PRLR: variants seen among roughly 807,000 people sequenced by gnomAD.
The protein encoded by PRLR is hPRL receptor.
In PRLR, 13 loss-of-function variants were observed where a neutral mutation model predicts 40.2. The ratio of observed to expected loss-of-function variants is 0.32; its 90% CI spans 0.21 to 0.51. PRLR has a LOEUF of 0.51. Among genes scored for constraint, PRLR ranks in the 20% least tolerant of loss-of-function variants. The probability of loss-of-function intolerance (pLI) is 0.97; values close to 1 mark genes in which losing one functional copy is unlikely to be tolerated. For synonymous variants in PRLR, 269 were observed against 278.7 expected (o/e 0.97, Z 0.35); for missense variants, 656 against 747.3 (o/e 0.88, Z 1.42).
rs1769026305 is a variant in PRLR, at chr5:35,061,308, A to C, written c.*3781T>G. ...AAAGGCAGGGCCAAGTCTTTCTGCAAATGATGGGCAGTGGTGGACACTTGA... is the reference window on the plus strand; with the variant it reads ...AAAGGCAGGGCCAAGTCTTTCTGCACATGATGGGCAGTGGTGGACACTTGA... On this transcript the variant is annotated 3_prime_UTR_variant, in exon 10 of 10. Coordinates refer to ENST00000618457, the MANE Select transcript of PRLR (RefSeq NM_000949.7). 6.6e-6 allele frequency: 1 copy of C among 152,180 alleles called. No homozygotes were observed. Among genetic ancestry groups the C allele is most frequent in the South Asian group, 2.1e-4 (1 of 4,832 alleles). 9.4% of individuals were successfully genotyped at this position (152,180 alleles called of 1,614,324 possible). A position where few individuals can be genotyped will look rare whatever the true frequency, so the allele number is the denominator to read the frequency against.
chr5:35,156,501 C>A (rs890608910), intron 1 of PRLR, among the ~76,000 whole-genome samples: 12 of 152,218 alleles, frequency 7.9e-5, no homozygotes, highest in Non-Finnish European at 1.3e-4. Flanking sequence ...ACCTACAAGA[C>A]TCTCCAGGAT....
At chr5:35,122,383 G>A (rs1364068998) in intron 1 of PRLR, among the ~76,000 whole-genome samples, 1 of 152,062 alleles carries the variant, frequency 6.6e-6, no homozygotes, top group African/African-American at 2.4e-5. Context: ...TATTCTTCCC[G>A]ATGCTCTCCC....
Position 35,133,135 on chromosome 5 carries a change from C to T in PRLR, c.-105-15013G>A, listed in dbSNP as rs180871095. 3.4e-3 allele frequency among the ~76,000 whole-genome samples: 520 copies of T among 152,246 alleles called. 6 individuals carry two copies. The highest frequency in any genetic ancestry group is 0.013 in the East Asian group (69 of 5,180). The stretch of plus-strand genomic sequence containing the variant: ...TCTCAGACTTATACCAGGCCTCTCT[C>T]TTGTTCTCAGGCTTTGGCCGTGGAG... On this transcript the variant is annotated intron_variant, in intron 1 of 9. Coordinates refer to ENST00000618457, the MANE Select transcript of PRLR (RefSeq NM_000949.7).
chr5:35,143,170 G>A (rs1223871832), intron 1 of PRLR, among the ~76,000 whole-genome samples: 1 of 152,184 alleles, frequency 6.6e-6, no homozygotes, highest in Non-Finnish European at 1.5e-5. Context: ...AGGGCAAGAT[G>A]GTAAATATTT....
chr5:35,096,318 T>C (rs1170450399), intron 2 of PRLR, among the ~76,000 whole-genome samples: 1 of 152,222 alleles, frequency 6.6e-6, no homozygotes, highest in Non-Finnish European at 1.5e-5. Context: ...CAACATCTTT[T>C]ATCCCAAGGA....
At chr5:35,088,945 A>G (rs1026762796) in intron 3 of PRLR, among the ~76,000 whole-genome samples, 4 of 152,178 alleles carry the variant, frequency 2.6e-5, no homozygotes, top group African/African-American at 9.7e-5. Flanking sequence ...TCCATATAGA[A>G]AAGTTAATAT....
At chr5:35,052,914 T>C (rs1370999819), downstream of PRLR, among the ~76,000 whole-genome samples, 1 of 152,244 alleles carries the variant, frequency 6.6e-6, no homozygotes, top group Non-Finnish European at 1.5e-5. Flanking sequence ...ATGGACAGTT[T>C]CCTCTGTATC....
chr5:35,103,010 T>A (rs1771997339), intron 2 of PRLR, among the ~76,000 whole-genome samples: 1 of 152,178 alleles, frequency 6.6e-6, no homozygotes, highest in South Asian at 2.1e-4. Flanking sequence ...AACTAAATTT[T>A]AGAAAATTAA....
At position 35,072,630 on chromosome 5, in the gene PRLR, C is replaced by G; in HGVS notation, c.488G>C (p.Trp163Ser). 6.2e-7 allele frequency: 1 copy of G among 1,614,142 alleles called. No individual in the cohort carries two copies. The highest frequency in any genetic ancestry group is 1.1e-5 in the South Asian group (1 of 91,084). The change falls in exon 6 of 10, where the codon TGG becomes TCG. Residue 163 changes from tryptophan (W) to serine (S), a missense_variant. Coordinates refer to ENST00000618457, the MANE Select transcript of PRLR (RefSeq NM_000949.7). ...PPTLIDLKTG[W>S]FTLLYEIRLK... ...TCGAATTTCATACAGGAGCGTGAAC[C>G]AACCAGTTTTTAAGTCAATCAGGGT...
chr5:35,105,982 T>C (rs1168182743), intron 2 of PRLR, among the ~76,000 whole-genome samples: 1 of 152,164 alleles, frequency 6.6e-6, no homozygotes, highest in African/African-American at 2.4e-5. Flanking sequence ...GAGAGAAAGG[T>C]TGGGTTACCC....
At chr5:35,118,682 A>G (rs546390240) in intron 1 of PRLR, among the ~76,000 whole-genome samples, 1 of 152,282 alleles carries the variant, frequency 6.6e-6, no homozygotes, top group African/African-American at 2.4e-5. Flanking sequence ...AAATTCTGAC[A>G]TAGTTATAGA....
intron 1 of PRLR, among the ~76,000 whole-genome samples, chr5:35,157,494 C>T (rs1375571496): frequency 6.6e-6 from 1 of 152,158 alleles, no homozygotes; most frequent in African/African-American, 2.4e-5. Flanking sequence ...TTTTGTGGCT[C>T]TTCGGGGTTG....
At chr5:35,161,142 T>G (rs1220868293) in intron 1 of PRLR, among the ~76,000 whole-genome samples, 1 of 152,198 alleles carries the variant, frequency 6.6e-6, no homozygotes, top group African/African-American at 2.4e-5. Context: ...TCAAGACTAT[T>G]GATTATATTG....
Position 35,138,381 on chromosome 5 carries a change from TGTC to T in PRLR, c.-105-20262_-105-20260del, listed in dbSNP as rs1773920186. Among the ~76,000 whole-genome samples, 6 of 152,318 alleles carry T rather than the reference TGTC, an allele frequency of 3.9e-5. No individual in the cohort carries two copies. In the South Asian group the frequency reaches 1.2e-3, roughly 32 times the overall value. On this transcript the variant is annotated intron_variant, in intron 1 of 9. Coordinates refer to ENST00000618457, the MANE Select transcript of PRLR (RefSeq NM_000949.7). ...TGTATTTTACCACAATTAAAGAAAATGTCATCATGGTAAAACCACAACATTTTC... is the reference window on the plus strand; with the variant it reads ...TGTATTTTACCACAATTAAAGAAAATATCATGGTAAAACCACAACATTTTC...
At position 35,062,203 on chromosome 5, in the gene PRLR, AT is replaced by A. The variant is rs776102196; in HGVS notation, c.*2885del. On this transcript the variant is annotated 3_prime_UTR_variant, in exon 10 of 10. Transcript: ENST00000618457. ...TTTTTGTTAGATTAGGATAGAAGGC[AT>A]TGGTTGGGATTATCTTTGCAGAAAA... 2.6e-5 allele frequency: 4 copies of A among 152,318 alleles called. No homozygotes were observed. In the East Asian group the frequency reaches 7.7e-4, roughly 29 times the overall value. 9.4% of individuals were successfully genotyped at this position (152,318 alleles called of 1,614,324 possible).
intron 1 of PRLR, among the ~76,000 whole-genome samples, chr5:35,211,064 A>C (rs577930353): frequency 1.4e-4 from 22 of 152,314 alleles, no homozygotes; most frequent in African/African-American, 5.1e-4. Flanking sequence ...TATACAAAGA[A>C]GGATTTTAGT....
intron 1 of PRLR, among the ~76,000 whole-genome samples, chr5:35,173,068 CTTGTCTGG>C (rs1002925057): frequency 1.3e-5 from 2 of 152,036 alleles, no homozygotes; most frequent in African/African-American, 2.4e-5. Context: ...CCTTGAAAAA[CTTGTCTGG>C]TTGGCAAAGC....
At chr5:35,068,381 A>G in intron 8 of PRLR, 96 bp from the exon 9 acceptor site, 1 of 1,071,712 alleles carries the variant, frequency 9.3e-7, no homozygotes, top group Non-Finnish European at 1.4e-6. Context: ...ACTGTGATAG[A>G]GATAGGACTT....
chr5:35,179,074 G>A (rs534872711), intron 1 of PRLR, among the ~76,000 whole-genome samples: 1 of 152,130 alleles, frequency 6.6e-6, no homozygotes, highest in South Asian at 2.1e-4. Flanking sequence ...TACACCTAAG[G>A]AGCCCTATCC....
Sources: gnomAD v4.1 joint callset for allele counts (sites outside exome capture counted in the v4.1 genomes callset) on GRCh38, gnomAD v4.1.1 for gene constraint, MANE v1.5 for transcripts, NCBI Gene and HGNC (gene_info 2026-07-23, HGNC 2026-07-21) for gene names.